Variants in RSPH1 observed in about 807,000 individuals in gnomAD.
The protein encoded by RSPH1 is radial spoke head component 1.
RSPH1 carries 32 observed loss-of-function variants against 44.2 expected under a neutral mutation model. The observed-to-expected ratio is 0.72, with a 90% confidence interval of 0.55 to 0.97. RSPH1 has a LOEUF of 0.97. Among genes scored for constraint, RSPH1 ranks in the 50% least tolerant of loss-of-function variants. The probability of loss-of-function intolerance (pLI) is 0.00; values close to 1 mark genes in which losing one functional copy is unlikely to be tolerated. For synonymous variants in RSPH1, 134 were observed against 147.3 expected, an observed-to-expected ratio of 0.91 and a Z score of 0.65; for missense variants, 391 against 398.7, an observed-to-expected ratio of 0.98 and a Z score of 0.16.
intron 6 of RSPH1, among the ~76,000 whole-genome samples, chr21:42,478,908 T>C (rs1051620019): frequency 7.2e-5 from 11 of 152,156 alleles, no homozygotes; most frequent in African/African-American, 2.7e-4. Context: ...ATATGCGACA[T>C]CTAGAATAGG....
chr21:42,482,972 T>C (rs2054144101), intron 5 of RSPH1, among the ~76,000 whole-genome samples: 2 of 152,246 alleles, frequency 1.3e-5, no homozygotes, highest in Non-Finnish European at 2.9e-5. Context: ...TCAGTATCCA[T>C]AGGCAAACTA....
chr21:42,477,440 C>G lies in RSPH1; in HGVS notation c.578G>C (p.Arg193Thr). ...TTCTTCCTCCTCTTCCTCTTCTCCT[C>G]TTTCCTATTTTAAGTGCAAAAATGT... ...HGEYRLTDME[R>T]GEEEEEEELV... is the part of the protein sequence containing the mutation. Residue 193 changes from arginine to threonine, a missense_variant, in exon 7 of 9, where the codon AGA (arginine) becomes ACA (threonine). By Grantham distance (71) the Arg-to-Thr change is moderately conservative. Coordinates refer to ENST00000291536, the MANE Select transcript of RSPH1 (RefSeq NM_080860.4). 3 of 1,613,976 alleles carry G rather than the reference C, an allele frequency of 1.9e-6. No individual in the cohort carries two copies. The highest frequency in any genetic ancestry group is 2.5e-6 in the Non-Finnish European group (3 of 1,179,844).
intron 5 of RSPH1, among the ~76,000 whole-genome samples, chr21:42,483,632 T>C (rs1361463045): frequency 1.3e-5 from 2 of 152,182 alleles, no homozygotes; most frequent in African/African-American, 4.8e-5. Flanking sequence ...AGTCATCTCT[T>C]AGATTTTCTT....
chr21:42,487,172 A>G (rs776889931), intron 3 of RSPH1, among the ~76,000 whole-genome samples: 5 of 152,214 alleles, frequency 3.3e-5, no homozygotes. Context: ...ATTGGCAAGG[A>G]TATCATAAAA....
chr21:42,475,686 G>A (rs2054039561), intron 8 of RSPH1, among the ~76,000 whole-genome samples: 1 of 138,810 alleles, frequency 7.2e-6, no homozygotes, highest in Non-Finnish European at 1.5e-5. Flanking sequence ...GCACACCCAG[G>A]CCTCTCCCAC....
intron 3 of RSPH1, among the ~76,000 whole-genome samples, chr21:42,491,852 C>T (rs1052013725): frequency 1.3e-5 from 2 of 152,188 alleles, no homozygotes; most frequent in African/African-American, 4.8e-5. Flanking sequence ...CATCACAGTC[C>T]TAGCCCCAGT....
At chr21:42,486,230 T>C (rs2054179353) in intron 4 of RSPH1, 141 bp downstream of exon 4, 1 of 692,394 alleles carries the variant, frequency 1.4e-6, no homozygotes, top group African/African-American at 1.8e-5. Context: ...CTCAAAGCCA[T>C]AGAAAGATTG....
In RSPH1 at chr21:42,477,060, C is replaced by A. The variant is rs372276503; in HGVS notation, c.727+231G>T. ...GCCCGGGGGTGCCCCACACCCTCTG[C>A]CCCCTCCACCCCACAGCCCGGGGAT... is the stretch of plus-strand genomic sequence containing the variant. On this transcript the variant is annotated intron_variant, in intron 7 of 8. Transcript: ENST00000291536. Among the ~76,000 whole-genome samples, 546 of 82,100 alleles carry A rather than the reference C, an allele frequency of 6.7e-3. 35 individuals are homozygous for A. The highest frequency in any genetic ancestry group is 0.02 in the South Asian group (39 of 1,924). 53.9% of individuals were successfully genotyped at this position (82,100 alleles called of 152,430 possible).
rs145575234 is a variant in RSPH1 at position 42,485,741 on chromosome 21, G to A, written c.429C>T (p.Asn143=). The change falls in exon 5 of 9, where the codon AAC becomes AAT. Residue 143 remains asparagine (N), a synonymous_variant. Transcript: ENST00000291536. ...TGSKYVGTWV[N]GQQEGTAELI... is the part of the protein sequence containing the mutation. Reference sequence around the variant, plus strand: ...GCTCGGCCGTGCCCTCCTGCTGTCCGTTCACCCAGGTGCCAACATACTTAC... The same window carrying A: ...GCTCGGCCGTGCCCTCCTGCTGTCCATTCACCCAGGTGCCAACATACTTAC... The A allele has an allele frequency of 7.5e-5, 121 of 1,614,186 alleles. No individual in the cohort carries two copies. Among genetic ancestry groups the A allele is most frequent in the African/African-American group, 4.5e-4 (34 of 75,042 alleles).
chr21:42,480,716 T>C (rs2054118871), intron 6 of RSPH1, among the ~76,000 whole-genome samples: 1 of 147,776 alleles, frequency 6.8e-6, no homozygotes, highest in African/African-American at 2.5e-5. Flanking sequence ...TAGTGATGAG[T>C]TTAGACTTAG....
At position 42,473,300 on chromosome 21, in the gene RSPH1, G is replaced by A. The variant is rs530111896; in HGVS notation, c.878-430C>T. ...GAGGTCAGGAGTTCGAGACCAGCCC[G>A]GCCAACATGGTGAAACCCCGTCTCA... is the stretch of plus-strand genomic sequence containing the variant. On this transcript the variant is annotated intron_variant, in intron 8 of 8. Transcript: ENST00000291536. 1.4e-4 allele frequency among the ~76,000 whole-genome samples: 22 copies of A among 152,210 alleles called. No individual in the cohort carries two copies. The South Asian group carries it at 3.5e-3, about 24-fold the overall frequency.
Position 42,477,387 on chromosome 21 carries a change from C to A in RSPH1, c.631G>T (p.Ala211Ser). Reference protein sequence around the residue: ...ELVTVVPKWKATQITELALWT... With the variant: ...ELVTVVPKWKSTQITELALWT... ...AGGGCCAATTCAGTGATTTGGGTAGCTTTCCATTTTGGAACAACAGTTACT... is the reference window on the plus strand; with the variant it reads ...AGGGCCAATTCAGTGATTTGGGTAGATTTCCATTTTGGAACAACAGTTACT... The change falls in exon 7 of 9, where the codon GCT becomes TCT. Residue 211 changes from alanine to serine, a missense_variant. Ala to Ser is a moderately conservative substitution (Grantham distance 99, BLOSUM62 1). Coordinates refer to ENST00000291536, the MANE Select transcript of RSPH1 (RefSeq NM_080860.4). 1 of 1,613,362 alleles carries A rather than the reference C, an allele frequency of 6.2e-7. No individual in the cohort carries two copies.
At chr21:42,488,754 A>G (rs1050653226) in intron 3 of RSPH1, among the ~76,000 whole-genome samples, 4 of 152,206 alleles carry the variant, frequency 2.6e-5, no homozygotes, top group Non-Finnish European at 5.9e-5. Context: ...CCCTGCACAA[A>G]TAGAGAAGGT....
At chr21:42,480,395 A>G (rs1406049738) in intron 6 of RSPH1, among the ~76,000 whole-genome samples, 1 of 152,224 alleles carries the variant, frequency 6.6e-6, no homozygotes, top group Non-Finnish European at 1.5e-5. Flanking sequence ...TAGTCCCACC[A>G]CTTTGGGAGG....
At chr21:42,476,899 C>T (rs1005056364) in intron 7 of RSPH1, among the ~76,000 whole-genome samples, 5 of 152,180 alleles carry the variant, frequency 3.3e-5, no homozygotes, top group African/African-American at 9.6e-5. Flanking sequence ...GAGAGTCCAA[C>T]CACACCTGGC....
rs745357308 is a variant in RSPH1, at chr21:42,492,841, C to G, written c.191G>C (p.Gly64Ala). The G allele has an allele frequency of 1.2e-6, 2 of 1,613,112 alleles. No homozygotes were observed. Among genetic ancestry groups the G allele is most frequent in the Non-Finnish European group, 1.7e-6 (2 of 1,179,112 alleles). ...AACATATTCTCCGATATATCGAGCA[C>G]CATTTTTAAATTTGTAGATCCCCTG... is the stretch of plus-strand genomic sequence containing the variant. ...HGQGIYKFKN[G>A]ARYIGEYVRN... The change falls in exon 3 of 9, where the codon GGT (glycine) becomes GCT (alanine). Residue 64 changes from glycine (G) to alanine (A), a missense_variant. Coordinates refer to ENST00000291536, the MANE Select transcript of RSPH1 (RefSeq NM_080860.4).
At chr21:42,476,570 C>T (rs1716935457) in intron 7 of RSPH1, among the ~76,000 whole-genome samples, 1 of 152,156 alleles carries the variant, frequency 6.6e-6, no homozygotes, top group South Asian at 2.1e-4. Context: ...TTAAGGACTT[C>T]CAGAAAGACC....
Position 42,493,802 on chromosome 21 carries a change from G to A in RSPH1, c.55-723C>T, listed in dbSNP as rs545381216. Among the ~76,000 whole-genome samples, 3 of 152,342 alleles carry A rather than the reference G, an allele frequency of 2.0e-5. No individual in the cohort carries two copies. In the East Asian group the frequency reaches 5.8e-4, roughly 29 times the overall value. ...GCCTCACTCTGTTGCCAAGGCTAGAGTGCAGTGGCACAATCTCAGCTCACT... is the reference window on the plus strand; with the variant it reads ...GCCTCACTCTGTTGCCAAGGCTAGAATGCAGTGGCACAATCTCAGCTCACT... On this transcript the variant is annotated intron_variant, in intron 1 of 8. Transcript: ENST00000291536.
In RSPH1 at chr21:42,485,646, A is replaced by G. The variant is rs780745848; in HGVS notation, c.501+23T>C. The G allele has an allele frequency of 8.7e-6, 14 of 1,613,844 alleles. 1 individual carries two copies. In the Admixed American group the frequency reaches 1.3e-4, roughly 15 times the overall value. On this transcript the variant is annotated intron_variant, in intron 5 of 8. Transcript: ENST00000291536. ...GGGGTTATTTTGTACTTCATTGGCA[A>G]ATGTCACTTCCCATGGACTTACATT...
Sources: gnomAD v4.1 joint callset for allele counts (sites outside exome capture counted in the v4.1 genomes callset) on GRCh38, gnomAD v4.1.1 for gene constraint, MANE v1.5 for transcripts, NCBI Gene and HGNC (gene_info 2026-07-23, HGNC 2026-07-21) for gene names.